Variants in NALF1 observed in about 807,000 individuals in gnomAD.
The protein encoded by NALF1 is NALCN channel auxiliary factor 1, also known as family with sequence similarity 155 member A.
A neutral mutation model predicts 48.4 loss-of-function variants in NALF1; 3 were observed. The observed-to-expected ratio is 0.06, with a 90% CI of 0.03 to 0.16. NALF1 has a LOEUF of 0.16. Ranked by LOEUF, NALF1 falls within the 10% of genes least tolerant of loss-of-function variation. The pLI is 1.00. For synonymous variants in NALF1, 262 were observed against 245.7 expected (o/e 1.07, Z -0.62); for missense variants, 526 against 571.5 (o/e 0.92, Z 0.81).
At chr13:107,513,690 G>C (rs1213990447) in intron 1 of NALF1, among the ~76,000 whole-genome samples, 3 of 152,178 alleles carry the variant, frequency 2.0e-5, no homozygotes, top group Admixed American at 1.3e-4. Context: ...CAGCACTAGC[G>C]CTGGCAGGTC....
At chr13:107,597,604 T>A (rs1295213664) in intron 1 of NALF1, among the ~76,000 whole-genome samples, 7 of 152,116 alleles carry the variant, frequency 4.6e-5, no homozygotes, top group Admixed American at 2.6e-4. Flanking sequence ...ATTGTGTAAA[T>A]GGCTTCCTTC....
At chr13:107,693,879 T>C (rs1881632614) in intron 1 of NALF1, among the ~76,000 whole-genome samples, 3 of 152,188 alleles carry the variant, frequency 2.0e-5, no homozygotes, top group Admixed American at 2.0e-4. Flanking sequence ...ACTGACTTCA[T>C]GGTTTGCTTG....
chr13:107,664,553 C>G (rs1323944572), intron 1 of NALF1, among the ~76,000 whole-genome samples: 1 of 152,148 alleles, frequency 6.6e-6, no homozygotes, highest in Non-Finnish European at 1.5e-5. Context: ...GCCTTCCTCA[C>G]CGCCACTCCC....
At chr13:107,495,343 T>A (rs1394097181) in intron 1 of NALF1, among the ~76,000 whole-genome samples, 1 of 152,138 alleles carries the variant, frequency 6.6e-6, no homozygotes, top group Non-Finnish European at 1.5e-5. Context: ...AGAAATGGAG[T>A]TTAAGTCATC....
intron 2 of NALF1, among the ~76,000 whole-genome samples, chr13:107,182,255 T>TGTGTCC (rs1555325204): frequency 0.021 from 2,828 of 132,514 alleles, 63 homozygotes; most frequent in African/African-American, 0.069. Flanking sequence ...TGTGTGTCCG[T>TGTGTCC]GTGTGTGTGT....
chr13:107,577,626 G>A (rs1878190470), intron 1 of NALF1, among the ~76,000 whole-genome samples: 1 of 152,146 alleles, frequency 6.6e-6, no homozygotes, highest in Admixed American at 6.5e-5. Flanking sequence ...GATCCTAAGT[G>A]TTCTTGCCTC....
At chr13:107,679,066 C>T (rs1369494520) in intron 1 of NALF1, among the ~76,000 whole-genome samples, 3 of 152,172 alleles carry the variant, frequency 2.0e-5, no homozygotes. Flanking sequence ...CTGTACTTCT[C>T]ACTCACCTTC....
intron 1 of NALF1, among the ~76,000 whole-genome samples, chr13:107,628,771 A>T (rs1879752580): frequency 6.6e-6 from 1 of 152,222 alleles, no homozygotes; most frequent in African/African-American, 2.4e-5. Context: ...CTTCAAAATA[A>T]TTTATTTTAA....
chr13:107,686,113 G>A (rs968743484), intron 1 of NALF1, among the ~76,000 whole-genome samples: 1 of 152,202 alleles, frequency 6.6e-6, no homozygotes, highest in African/African-American at 2.4e-5. Context: ...AAATGCTAAG[G>A]GTTGAATGAG....
intron 1 of NALF1, among the ~76,000 whole-genome samples, chr13:107,689,748 A>G (rs1382893804): frequency 4.6e-5 from 7 of 152,190 alleles, no homozygotes; most frequent in African/African-American, 1.7e-4. Context: ...GATTCTTGGT[A>G]TGTGTAAGTG....
At chr13:107,396,386 AAG>A (rs1321304864) in intron 1 of NALF1, among the ~76,000 whole-genome samples, 1 of 152,194 alleles carries the variant, frequency 6.6e-6, no homozygotes, top group Non-Finnish European at 1.5e-5. Context: ...GTAGAAGTGC[AAG>A]AGAGAACATT....
intron 1 of NALF1, among the ~76,000 whole-genome samples, chr13:107,636,236 C>T (rs1351682867): frequency 6.6e-6 from 1 of 152,098 alleles, no homozygotes; most frequent in Non-Finnish European, 1.5e-5. Context: ...ATTATTGAAT[C>T]CATTACCCAG....
At chr13:107,691,021 G>T (rs567663913) in intron 1 of NALF1, among the ~76,000 whole-genome samples, 1 of 152,132 alleles carries the variant, frequency 6.6e-6, no homozygotes, top group East Asian at 1.9e-4. Flanking sequence ...AACTTACTTC[G>T]TAAATTCAGT....
At chr13:107,785,433 A>C (rs1878042910) in intron 1 of NALF1, among the ~76,000 whole-genome samples, 2 of 152,222 alleles carry the variant, frequency 1.3e-5, no homozygotes, top group Admixed American at 6.5e-5. Flanking sequence ...TATTATTCTA[A>C]GTGAAGTAAC....
chr13:107,312,570 A>C (rs1882068324), intron 1 of NALF1, among the ~76,000 whole-genome samples: 1 of 152,174 alleles, frequency 6.6e-6, no homozygotes, highest in African/African-American at 2.4e-5. Context: ...TTAAAGTATA[A>C]TAATAAAAAA....
chr13:107,493,823 G>A (rs66734110), intron 1 of NALF1, among the ~76,000 whole-genome samples: 31,671 of 152,032 alleles, frequency 0.21, 3,850 homozygotes, highest in East Asian at 0.3. Context: ...CCAAGTGTTC[G>A]AGGCTGTAAT....
intron 1 of NALF1, among the ~76,000 whole-genome samples, chr13:107,368,530 C>T (rs1412474166): frequency 2.6e-5 from 4 of 152,150 alleles, no homozygotes; most frequent in South Asian, 2.1e-4. Context: ...ACTCTGGGGG[C>T]AATTCCACTC....
At chr13:107,406,328 G>T (rs1357934472) in intron 1 of NALF1, among the ~76,000 whole-genome samples, 1 of 152,016 alleles carries the variant, frequency 6.6e-6, no homozygotes, top group African/African-American at 2.4e-5. Context: ...ATGATCTGTT[G>T]CCATATAGAA....
intron 1 of NALF1, among the ~76,000 whole-genome samples, chr13:107,295,816 C>T (rs1881714400): frequency 6.6e-6 from 1 of 152,112 alleles, no homozygotes; most frequent in African/African-American, 2.4e-5. Context: ...AATTCATGCT[C>T]ATCTGTCAAA....
Sources: gnomAD v4.1 joint callset for allele counts (sites outside exome capture counted in the v4.1 genomes callset) on GRCh38, gnomAD v4.1.1 for gene constraint, MANE v1.5 for transcripts, NCBI Gene and HGNC (gene_info 2026-07-23, HGNC 2026-07-21) for gene names.